Variants in TBC1D19 observed in about 807,000 individuals in gnomAD.
TBC1D19 encodes the protein TBC1 domain family, member 19.
In TBC1D19, 60 loss-of-function variants were observed where a neutral mutation model predicts 89.0. That is an observed-to-expected ratio of 0.67 (90% CI 0.55 to 0.84). TBC1D19 has a LOEUF of 0.84. TBC1D19 is among the 40% of genes least tolerant of loss of function. The pLI is 0.00. For synonymous variants in TBC1D19, 189 were observed against 199.7 expected, an observed-to-expected ratio of 0.95 and a Z score of 0.45; for missense variants, 500 against 610.8, an observed-to-expected ratio of 0.82 and a Z score of 1.91.
At chr4:26,649,338 C>A (rs1430581830) in intron 7 of TBC1D19, among the ~76,000 whole-genome samples, 1 of 151,852 alleles carries the variant, frequency 6.6e-6, no homozygotes, top group Non-Finnish European at 1.5e-5. Flanking sequence ...TTTCCCAATA[C>A]CCCCAGCATT....
intron 1 of TBC1D19, among the ~76,000 whole-genome samples, chr4:26,584,605 G>C (rs1213889734): frequency 2.0e-5 from 3 of 152,090 alleles, no homozygotes; most frequent in African/African-American, 7.2e-5. Flanking sequence ...ATCTATTCCT[G>C]TAGTCATTTA....
intron 4 of TBC1D19, among the ~76,000 whole-genome samples, chr4:26,624,305 A>T (rs1742249347): frequency 6.6e-6 from 1 of 151,694 alleles, no homozygotes; most frequent in Non-Finnish European, 1.5e-5. Context: ...TCTCTCTTGA[A>T]CTCTGTTGAA....
chr4:26,840,781 G>C, the TBC1D19 span, among the ~76,000 whole-genome samples: 8 of 152,310 alleles, frequency 5.3e-5, no homozygotes, highest in African/African-American at 1.9e-4. Context: ...CTGAATTTAT[G>C]TTTTGTGAGT....
At chr4:26,846,621 T>C in the TBC1D19 span, among the ~76,000 whole-genome samples, 3 of 152,222 alleles carry the variant, frequency 2.0e-5, no homozygotes, top group Admixed American at 6.5e-5. Flanking sequence ...TTGTAAATTA[T>C]ATAATTTATT....
chr4:26,722,132 T>C (rs929776742), intron 15 of TBC1D19, among the ~76,000 whole-genome samples: 5 of 152,162 alleles, frequency 3.3e-5, no homozygotes, highest in African/African-American at 1.2e-4. Flanking sequence ...CCTCAGTATC[T>C]AGCATGTAAT....
intron 7 of TBC1D19, among the ~76,000 whole-genome samples, chr4:26,657,309 C>A (rs1278776753): frequency 6.6e-6 from 1 of 151,984 alleles, no homozygotes; most frequent in East Asian, 1.9e-4. Context: ...TTGTTCAACT[C>A]TCACTTATGA....
intron 19 of TBC1D19, among the ~76,000 whole-genome samples, chr4:26,750,427 A>G (rs1047682208): frequency 3.3e-5 from 5 of 152,216 alleles, no homozygotes; most frequent in African/African-American, 1.2e-4. Flanking sequence ...GGGTTCTTTA[A>G]CTGTTATGTG....
At chr4:26,852,030 C>T in the TBC1D19 span, among the ~76,000 whole-genome samples, 36,753 of 151,980 alleles carry the variant, frequency 0.24, 4,532 homozygotes, top group Admixed American at 0.29. Flanking sequence ...CCTCTGAATT[C>T]CTGGCCTCTA....
At chr4:26,637,085 T>C in intron 4 of TBC1D19, 126 bp from the exon 5 acceptor site, 1 of 651,636 alleles carries the variant, frequency 1.5e-6, no homozygotes, top group Non-Finnish European at 2.6e-6. Flanking sequence ...TTGAGTGGAC[T>C]AATAAATAAG....
In TBC1D19 at chr4:26,681,093, G is replaced by A. The variant is rs150345763; in HGVS notation, c.817-2582G>A. On this transcript the variant is annotated intron_variant, in intron 11 of 20. Transcript: ENST00000264866. ...TTCAACTATATTGAGTTGGGAAAGTGCAAATTAATACAAAAATGAGATGTT... is the reference window on the plus strand; with the variant it reads ...TTCAACTATATTGAGTTGGGAAAGTACAAATTAATACAAAAATGAGATGTT... Among the ~76,000 whole-genome samples the A allele has an allele frequency of 1.1e-4, 16 of 152,304 alleles. No homozygotes were observed. In the East Asian group the frequency reaches 3.1e-3, roughly 29 times the overall value.
intron 13 of TBC1D19, among the ~76,000 whole-genome samples, chr4:26,713,907 G>A (rs181657579): frequency 6.6e-6 from 1 of 152,148 alleles, no homozygotes; most frequent in East Asian, 1.9e-4. Flanking sequence ...ACTCATATGT[G>A]TAAAATGATA....
chr4:26,808,470 C>T, the TBC1D19 span, among the ~76,000 whole-genome samples: 5 of 99,780 alleles, frequency 5.0e-5, no homozygotes, highest in East Asian at 2.6e-4. Flanking sequence ...CGGTGGCTCA[C>T]GCCTGTAATC....
chr4:26,820,337 C>A, the TBC1D19 span, among the ~76,000 whole-genome samples: 1 of 152,186 alleles, frequency 6.6e-6, no homozygotes, highest in Non-Finnish European at 1.5e-5. Flanking sequence ...CCTTCTCCAC[C>A]TGCCCACCCC....
chr4:26,669,190 T>G (rs1453417019), intron 9 of TBC1D19, among the ~76,000 whole-genome samples: 1 of 151,802 alleles, frequency 6.6e-6, no homozygotes, highest in Non-Finnish European at 1.5e-5. Context: ...ATTTTCTTTC[T>G]AAAAGAAAAA....
At chr4:26,832,286 C>T in the TBC1D19 span, among the ~76,000 whole-genome samples, 1 of 152,150 alleles carries the variant, frequency 6.6e-6, no homozygotes, top group Non-Finnish European at 1.5e-5. Context: ...GAAATCCTTC[C>T]CTGATCCTCC....
intron 1 of TBC1D19, among the ~76,000 whole-genome samples, chr4:26,608,502 G>T (rs183246969): frequency 6.6e-6 from 1 of 152,100 alleles, no homozygotes; most frequent in Admixed American, 6.6e-5. Context: ...TTACCATGTT[G>T]TCACTGTCCT....
intron 1 of TBC1D19, among the ~76,000 whole-genome samples, chr4:26,612,917 A>G (rs1741470070): frequency 6.6e-6 from 1 of 152,042 alleles, no homozygotes; most frequent in African/African-American, 2.4e-5. Flanking sequence ...CATAATCTCC[A>G]AGTTTGTATA....
At chr4:26,708,033 C>A (rs1287738131) in intron 13 of TBC1D19, among the ~76,000 whole-genome samples, 1 of 151,912 alleles carries the variant, frequency 6.6e-6, no homozygotes, top group African/African-American at 2.4e-5. Context: ...GAGTTACAAA[C>A]CTTTGTTACA....
the TBC1D19 span, among the ~76,000 whole-genome samples, chr4:26,768,739 A>G: frequency 6.6e-6 from 1 of 152,126 alleles, no homozygotes; most frequent in South Asian, 2.1e-4. Context: ...TTAGTGAATC[A>G]TGAAAATATT....
Sources: allele counts gnomAD v4.1 joint callset (sites outside exome capture counted in the v4.1 genomes callset), GRCh38; gene constraint gnomAD v4.1.1; transcripts MANE v1.5; gene names NCBI Gene and HGNC (gene_info 2026-07-23, HGNC 2026-07-21).